Variants in ACSBG2 observed in about 807,000 individuals in gnomAD.
ACSBG2 encodes the protein acyl-CoA synthetase bubblegum family member 2.
ACSBG2 carries 62 observed loss-of-function variants against 74.7 expected under a neutral mutation model. The ratio of observed to expected loss-of-function variants is 0.83; its 90% CI spans 0.68 to 1.03. ACSBG2 has a LOEUF of 1.03. ACSBG2 is among the 50% of genes least tolerant of loss of function. The pLI, the probability that ACSBG2 is intolerant of heterozygous loss-of-function variation, is 0.00. For synonymous variants in ACSBG2, 309 were observed against 294.1 expected (o/e 1.05, Z -0.52); for missense variants, 730 against 817.6 (o/e 0.89, Z 1.31).
intron 13 of ACSBG2, among the ~76,000 whole-genome samples, chr19:6,188,759 G>C (rs997916441): frequency 6.6e-6 from 1 of 152,142 alleles, no homozygotes; most frequent in African/African-American, 2.4e-5. Flanking sequence ...GGGATCTTTG[G>C]GGGTGAAGGG....
At position 6,174,040 on chromosome 19, in the gene ACSBG2, G is replaced by A. The variant is rs572306009; in HGVS notation, c.739-3189G>A. The stretch of plus-strand genomic sequence containing the variant: ...CAACCTCTGCCTCCCAATTTCAAGC[G>A]ATTCCCCCACCTCAGCCTCCTGAGT... On this transcript the variant is annotated intron_variant, in intron 7 of 14. Transcript: ENST00000588485. This position sits in a 1 kb window ranked among gnomAD's most constrained non-coding sequence, Gnocchi z 4.2. 2.0e-5 allele frequency among the ~76,000 whole-genome samples: 3 copies of A among 151,216 alleles called. No homozygotes were observed. Among genetic ancestry groups the A allele is most frequent in the Non-Finnish European group, 2.9e-5 (2 of 67,948 alleles).
At position 6,177,414 on chromosome 19, in the gene ACSBG2, C is replaced by T; in HGVS notation, c.906+18C>T. On this transcript the variant is annotated intron_variant, in intron 8 of 14. Coordinates refer to ENST00000588485, the MANE Select transcript of ACSBG2 (RefSeq NM_030924.5). The stretch of plus-strand genomic sequence containing the variant: ...CTCTCAAGGTAAGATTGAGTAAGGA[C>T]CTGGGGCTCCGACTTCATCCTCTTG... The T allele has an allele frequency of 6.4e-7, 1 of 1,558,350 alleles. No individual in the cohort carries two copies. Among genetic ancestry groups the T allele is most frequent in the Non-Finnish European group, 8.7e-7 (1 of 1,155,528 alleles).
At chr19:6,163,783 C>CAAAAAAAAAAAAAAAAAAAA (rs1278911071) in intron 6 of ACSBG2, among the ~76,000 whole-genome samples, 4 of 81,080 alleles carry the variant, frequency 4.9e-5, no homozygotes, top group Admixed American at 1.5e-4. Flanking sequence ...AAATAAAATA[C>CAAAAAAAAAAAAAAAAAAAA]AAAAAAAAAA....
chr19:6,161,159 C>A, intron 5 of ACSBG2, 56 bp from the exon 6 acceptor site: 1 of 1,486,544 alleles, frequency 6.7e-7, no homozygotes, highest in Non-Finnish European at 9.4e-7. Flanking sequence ...TCTAACCCAG[C>A]TTTAGTCTTT....
At chr19:6,164,153 C>T (rs1370611819) in intron 6 of ACSBG2, among the ~76,000 whole-genome samples, 2 of 152,112 alleles carry the variant, frequency 1.3e-5, no homozygotes, top group African/African-American at 4.8e-5. Context: ...TTGGATTGGA[C>T]CAGCATGGGT....
chr19:6,151,859 T>G, intron 4 of ACSBG2, 64 bp downstream of exon 4: 2 of 1,481,526 alleles, frequency 1.3e-6, no homozygotes, highest in Non-Finnish European at 1.8e-6. Context: ...CTGGGACCCC[T>G]GGGCTTGTCC....
intron 1 of ACSBG2, among the ~76,000 whole-genome samples, chr19:6,138,961 T>G (rs1031529742): frequency 6.6e-6 from 1 of 152,204 alleles, no homozygotes; most frequent in African/African-American, 2.4e-5. Context: ...ATGTTTTTCA[T>G]GCATATCTGT....
rs71172791 is a variant in ACSBG2, at chr19:6,152,279, ATTTTTTTTT to A, written c.386+498_386+506del. ...GAGCACACACCACCACACCCAGCTA[ATTTTTTTTT>A]TTTTTTTTTTTTTGAGACGGAGTCT... On this transcript the variant is annotated intron_variant, in intron 4 of 14. Transcript: ENST00000588485. 4.4e-5 allele frequency among the ~76,000 whole-genome samples: 3 copies of A among 68,474 alleles called. No homozygotes were observed. In the South Asian group the frequency reaches 1.4e-3, roughly 31 times the overall value. 44.9% of individuals were successfully genotyped at this position (68,474 alleles called of 152,430 possible).
intron 1 of ACSBG2, among the ~76,000 whole-genome samples, chr19:6,136,647 G>A (rs1599960365): frequency 6.6e-6 from 1 of 152,252 alleles, no homozygotes; most frequent in Non-Finnish European, 1.5e-5. Flanking sequence ...ACAGGTGTGA[G>A]TCACCACATC....
Position 6,147,638 on chromosome 19 carries a change from A to C in ACSBG2, c.260A>C (p.Tyr87Ser), listed in dbSNP as rs143949111. Residue 87 changes from tyrosine (Y) to serine (S), a missense_variant, in exon 3 of 15, where the codon TAT becomes TCT. By Grantham distance (144) the Tyr-to-Ser change is moderately radical (BLOSUM62 -2). Transcript: ENST00000588485. ...GAAATTCTGAATTTCAACCAGTACT[A>C]TGAGGCTTGTCGGAAGGCTGCAAAA... ...KWEILNFNQY[Y>S]EACRKAAKSL... 1.9e-6 allele frequency: 3 copies of C among 1,614,096 alleles called. No individual in the cohort carries two copies. The African/African-American group carries it at 4.0e-5, about 22-fold the overall frequency.
chr19:6,179,605 A>C (rs1200068763), intron 8 of ACSBG2, among the ~76,000 whole-genome samples: 1 of 152,166 alleles, frequency 6.6e-6, no homozygotes, highest in East Asian at 1.9e-4. Context: ...TTAGTGACTT[A>C]AAACAATATT....
intron 13 of ACSBG2, chr19:6,190,042 T>C (rs2090519384): frequency 6.5e-6 from 1 of 154,740 alleles, no homozygotes; most frequent in Non-Finnish European, 1.4e-5. Context: ...GATGGTGTTT[T>C]GCCATGTTGT....
At chr19:6,146,256 C>T (rs879700152) in intron 2 of ACSBG2, among the ~76,000 whole-genome samples, 4 of 138,102 alleles carry the variant, frequency 2.9e-5, no homozygotes, top group African/African-American at 8.2e-5. Context: ...GATCACTTGA[C>T]GTCAGGAGTT....
intron 10 of ACSBG2, 145 bp from the exon 11 acceptor site, chr19:6,185,291 A>T: frequency 1.3e-6 from 1 of 783,184 alleles, no homozygotes; most frequent in Non-Finnish European, 2.1e-6. Flanking sequence ...ACACTGCAGC[A>T]AACACCTCCT....
At chr19:6,175,975 G>C (rs2090078000) in intron 7 of ACSBG2, 1 of 182,472 alleles carries the variant, frequency 5.5e-6, no homozygotes, top group African/African-American at 2.3e-5. Flanking sequence ...AAACAGTGGA[G>C]TCAGGGTTTG....
In ACSBG2 at chr19:6,165,960, T is replaced by G. The variant is rs761423528; in HGVS notation, c.683T>G (p.Ile228Ser). Residue 228 changes from isoleucine to serine, a missense_variant, in exon 7 of 15, where the codon ATC (isoleucine) becomes AGC (serine). Physicochemically the swap from Ile to Ser is moderately radical, Grantham distance 142. Coordinates refer to ENST00000588485, the MANE Select transcript of ACSBG2 (RefSeq NM_030924.5). Reference protein sequence around the residue: ...SQKANQCAVLIYTSGTTGIPK... With the variant: ...SQKANQCAVLSYTSGTTGIPK... ...AAGGCGAATCAATGCGCAGTGCTCATCTACACTTCAGGGACCACAGGCATA... is the reference window on the plus strand; with the variant it reads ...AAGGCGAATCAATGCGCAGTGCTCAGCTACACTTCAGGGACCACAGGCATA... 6.2e-7 allele frequency: 1 copy of G among 1,614,142 alleles called. No homozygotes were observed. The highest frequency in any genetic ancestry group is 2.2e-5 in the East Asian group (1 of 44,874).
chr19:6,183,970 G>T (rs2090331098), intron 10 of ACSBG2, among the ~76,000 whole-genome samples: 1 of 152,026 alleles, frequency 6.6e-6, no homozygotes, highest in African/African-American at 2.4e-5. Context: ...TGGCAATTCT[G>T]TAAAAGTTTT....
chr19:6,154,657 G>A (rs781067544), intron 4 of ACSBG2, among the ~76,000 whole-genome samples: 7 of 151,536 alleles, frequency 4.6e-5, no homozygotes, highest in Non-Finnish European at 7.4e-5. Flanking sequence ...GACTACAGGC[G>A]TGCGCCACCA....
chr19:6,151,166 C>T (rs543115201), intron 3 of ACSBG2, among the ~76,000 whole-genome samples: 1 of 149,182 alleles, frequency 6.7e-6, no homozygotes, highest in Non-Finnish European at 1.5e-5. Context: ...TATTTTACCA[C>T]AATAAATGAA....
Sources: gnomAD v4.1 joint callset for allele counts (sites outside exome capture counted in the v4.1 genomes callset) on GRCh38, gnomAD v4.1.1 for gene constraint, Gnocchi (gnomAD v3.1) non-coding constraint, MANE v1.5 for transcripts, NCBI Gene and HGNC (gene_info 2026-07-23, HGNC 2026-07-21) for gene names.